MYO1F: variants seen among roughly 807,000 people sequenced by gnomAD.
The protein encoded by MYO1F is myosin IF, also known as unconventional myosin-If.
Under a neutral mutation model 146.6 loss-of-function variants are expected in MYO1F, and 60 were observed. The ratio of observed to expected loss-of-function variants is 0.41; its 90% CI spans 0.33 to 0.51. The LOEUF is 0.51. Ranked by LOEUF, MYO1F falls within the 20% of genes least tolerant of loss-of-function variation. The pLI, the probability that MYO1F is intolerant of heterozygous loss-of-function variation, is 0.25. For synonymous variants in MYO1F, 602 were observed against 602.1 expected, an observed-to-expected ratio of 1.00 and a Z score of 0.00; for missense variants, 1,274 against 1,534.3, an observed-to-expected ratio of 0.83 and a Z score of 2.83.
At chr19:8,553,918 T>TCTCTCTCTCG (rs1568361665) in intron 4 of MYO1F, among the ~76,000 whole-genome samples, 2 of 145,080 alleles carry the variant, frequency 1.4e-5, no homozygotes, top group Admixed American at 6.9e-5. Context: ...TCTCTCTCTC[T>TCTCTCTCTCG]CTCTCGCTCT....
intron 12 of MYO1F, among the ~76,000 whole-genome samples, chr19:8,546,992 T>C (rs993316897): frequency 3.3e-5 from 5 of 151,980 alleles, no homozygotes; most frequent in African/African-American, 1.2e-4. Context: ...CTCTCTCTCT[T>C]TGTTAAAAAA....
chr19:8,567,730 C>T (rs948787677), intron 1 of MYO1F, among the ~76,000 whole-genome samples: 2 of 152,236 alleles, frequency 1.3e-5, no homozygotes, highest in African/African-American at 4.8e-5. Flanking sequence ...CACAGCAGTG[C>T]AGAGAGGACC....
intron 9 of MYO1F, 39 bp downstream of exon 9, chr19:8,550,523 A>G: frequency 1.2e-6 from 2 of 1,613,776 alleles, no homozygotes; most frequent in Non-Finnish European, 1.7e-6. Context: ...TCACCCACCC[A>G]CAGGCCTCCA....
intron 1 of MYO1F, among the ~76,000 whole-genome samples, chr19:8,573,911 A>G (rs1429102200): frequency 1.3e-5 from 2 of 152,146 alleles, no homozygotes; most frequent in Admixed American, 6.6e-5. Context: ...ACCAACTACC[A>G]TTAGCAACCA....
rs1972089473 is a variant in MYO1F, at chr19:8,522,246, T to C, written c.3220+131A>G. The C allele has an allele frequency of 8.8e-6, 10 of 1,132,882 alleles. No homozygotes were observed. The South Asian group carries it at 1.3e-4, about 15-fold the overall frequency. 70.2% of individuals were successfully genotyped at this position (1,132,882 alleles called of 1,614,324 possible). ...ACTGTGTTAGCCAGGATGGTCTCGA[T>C]CTCCTGACCTCGTGATCTGCCCGCC... On this transcript the variant is annotated intron_variant, in intron 27 of 27. Transcript: ENST00000644032.
intron 1 of MYO1F, among the ~76,000 whole-genome samples, chr19:8,561,773 G>A (rs1308716118): frequency 1.3e-5 from 2 of 149,692 alleles, no homozygotes; most frequent in Non-Finnish European, 3.0e-5. Flanking sequence ...CTGGAGTGTA[G>A]TGGCGCGATC....
rs200383611 is a variant in MYO1F at position 8,532,885 on chromosome 19, C to T, written c.2044-2312G>A. ...CCTGGGAGATAGAGTGAGATCCTGT[C>T]TCAGAAAAAAAAAAAAATACACACA... is the stretch of plus-strand genomic sequence containing the variant. On this transcript the variant is annotated intron_variant, in intron 19 of 27. Coordinates refer to ENST00000644032, the MANE Select transcript of MYO1F (RefSeq NM_012335.4). 5.3e-4 allele frequency among the ~76,000 whole-genome samples: 39 copies of T among 74,252 alleles called. No homozygotes were observed. The East Asian group carries it at 0.034, about 64-fold the overall frequency. 48.7% of individuals were successfully genotyped at this position (74,252 alleles called of 152,430 possible). A position where few individuals can be genotyped will look rare whatever the true frequency, so the allele number is the denominator to read the frequency against.
chr19:8,551,655 C>A (rs755069858), intron 8 of MYO1F, 85 bp downstream of exon 8: 85 of 1,600,942 alleles, frequency 5.3e-5, no homozygotes, highest in Non-Finnish European at 7.0e-5. Flanking sequence ...CTGGCCTGGG[C>A]TTCGGTTTCC....
rs201979058 is a variant in MYO1F at position 8,548,029 on chromosome 19, C to T, written c.1269+7G>A. ...GATCCCCCATCCCTGACTGCTTGGCCGCCCACCTGCTCGGCCTTCAGGGTA... is the reference window on the plus strand; with the variant it reads ...GATCCCCCATCCCTGACTGCTTGGCTGCCCACCTGCTCGGCCTTCAGGGTA... On this transcript the variant is annotated splice_region_variant and intron_variant, in intron 12 of 27. Transcript: ENST00000644032. 67 of 1,611,534 alleles carry T rather than the reference C, an allele frequency of 4.2e-5. 1 individual carries two copies. The Middle Eastern group carries it at 8.4e-4, about 20-fold the overall frequency.
intron 10 of MYO1F, among the ~76,000 whole-genome samples, chr19:8,549,244 A>G (rs1973502255): frequency 6.6e-6 from 1 of 152,038 alleles, no homozygotes; most frequent in South Asian, 2.1e-4. Flanking sequence ...GAGCCACTGC[A>G]CCTGGCCATA....
At position 8,541,920 on chromosome 19, in the gene MYO1F, C is replaced by T; in HGVS notation, c.1596G>A (p.Met532Ile). Residue 532 changes from methionine (M) to isoleucine (I), a missense_variant, in exon 15 of 28, where the codon ATG becomes ATA. By Grantham distance (10) the Met-to-Ile change is conservative (BLOSUM62 1). Around this residue, in one of 2 missense-constraint regions of MYO1F, gnomAD observed 900 missense variants for 1,155.1 expected, o/e 0.78. Coordinates refer to ENST00000644032, the MANE Select transcript of MYO1F (RefSeq NM_012335.4). ...DVLFSDLIEL[M>I]QTSEQAFLRM... The stretch of plus-strand genomic sequence containing the variant: ...GGACCACTCACTGCTCACTGGTCTG[C>T]ATCAGCTCTATGAGGTCGGAGAAGA... 4 of 1,613,520 alleles carry T rather than the reference C, an allele frequency of 2.5e-6. No homozygotes were observed. The highest frequency in any genetic ancestry group is 3.4e-6 in the Non-Finnish European group (4 of 1,179,930).
chr19:8,543,573 T>G (rs1568348125), intron 14 of MYO1F, among the ~76,000 whole-genome samples: 2 of 151,810 alleles, frequency 1.3e-5, no homozygotes, highest in African/African-American at 4.8e-5. Context: ...GGGGAGTTGA[T>G]GTGTAAGGGA....
intron 16 of MYO1F, among the ~76,000 whole-genome samples, 174 bp from the exon 17 acceptor site, chr19:8,537,229 G>T (rs1372000294): frequency 6.6e-6 from 1 of 151,992 alleles, no homozygotes; most frequent in East Asian, 1.9e-4. Context: ...CTCCACTAGT[G>T]CACACCACAC....
chr19:8,547,013 C>G (rs943363852), intron 12 of MYO1F, among the ~76,000 whole-genome samples: 1 of 152,098 alleles, frequency 6.6e-6, no homozygotes, highest in African/African-American at 2.4e-5. Context: ...ATCCCTGTCT[C>G]AGGACTGGGC....
At chr19:8,546,151 G>A (rs911155136) in intron 12 of MYO1F, among the ~76,000 whole-genome samples, 19 of 133,220 alleles carry the variant, frequency 1.4e-4, no homozygotes, top group Non-Finnish European at 2.3e-4. Flanking sequence ...CGCAACCTCC[G>A]CCTCCCGAGT....
intron 25 of MYO1F, 193 bp downstream of exon 25, chr19:8,525,286 T>C: frequency 1.8e-6 from 1 of 557,824 alleles, no homozygotes; most frequent in South Asian, 2.1e-5. Flanking sequence ...TTAGCTGGGT[T>C]TGGGTTTTGA....
intron 25 of MYO1F, among the ~76,000 whole-genome samples, chr19:8,524,076 G>A (rs1436470992): frequency 3.3e-4 from 39 of 117,034 alleles, no homozygotes; most frequent in South Asian, 9.3e-4. Flanking sequence ...CCAAGATCAC[G>A]CCACTGCACT....
chr19:8,530,430 C>G lies in MYO1F; in HGVS notation c.2158+29G>C. ...GCTCCTCCAGGTCCTTGTGCCCCCA[C>G]CCCGCGCCGTTTACCCGAAGCCTCT... On this transcript the variant is annotated intron_variant, in intron 20 of 27. Transcript: ENST00000644032. This position sits in a 1 kb window ranked among gnomAD's most constrained non-coding sequence, Gnocchi z 5.8. The G allele has an allele frequency of 2.5e-6, 4 of 1,613,630 alleles. No homozygotes were observed. The highest frequency in any genetic ancestry group is 3.4e-6 in the Non-Finnish European group (4 of 1,179,976).
intron 1 of MYO1F, among the ~76,000 whole-genome samples, chr19:8,571,848 C>T (rs7258802): frequency 0.061 from 9,286 of 152,150 alleles, 777 homozygotes; most frequent in African/African-American, 0.19. Context: ...CTGCCCGCCT[C>T]GGCCTCCCAA....
Sources: gnomAD v4.1 joint callset for allele counts (sites outside exome capture counted in the v4.1 genomes callset) on GRCh38, gnomAD v4.1.1 for gene constraint, gnomAD v4.1.1 regional missense constraint, Gnocchi (gnomAD v3.1) non-coding constraint, MANE v1.5 for transcripts, NCBI Gene and HGNC (gene_info 2026-07-23, HGNC 2026-07-21) for gene names.